Variants in APBB2 observed in about 807,000 individuals in gnomAD.
APBB2 encodes the protein amyloid beta precursor protein binding family B member 2.
APBB2 carries 38 observed loss-of-function variants against 82.5 expected under a neutral mutation model. The observed-to-expected ratio is 0.46, with a 90% CI of 0.36 to 0.60. The LOEUF (loss-of-function observed/expected upper bound fraction) is 0.60, where lower values mean the gene tolerates loss of function less well. APBB2 is among the 20% of genes least tolerant of loss of function. The pLI, the probability that APBB2 is intolerant of heterozygous loss-of-function variation, is 0.00. For missense variants in APBB2, 772 were observed against 972.3 expected (o/e 0.79, Z 2.74); for synonymous variants, 341 against 368.2 (o/e 0.93, Z 0.85).
chr4:40,872,883 C>T lies in APBB2; in HGVS notation c.1529+17481G>A, dbSNP rs147673279. ...GGTGGATCACCTCAGGTCAGGAGTT[C>T]GAGACCAGCCTGGCCAACATGGTGA... On this transcript the variant is annotated intron_variant, in intron 12 of 17. Coordinates refer to ENST00000508593, the MANE Select transcript of APBB2 (RefSeq NM_004307.2). Among the ~76,000 whole-genome samples, 244 of 151,642 alleles carry T rather than the reference C, an allele frequency of 1.6e-3. 1 individual carries two copies. Among genetic ancestry groups the T allele is most frequent in the African/African-American group, 5.7e-3 (234 of 41,366 alleles).
In APBB2 at chr4:40,832,509, C is replaced by A. The variant is rs980947730; in HGVS notation, c.1530-1932G>T. On this transcript the variant is annotated intron_variant, in intron 12 of 17. Transcript: ENST00000508593. The surrounding 1 kb of genome is among the most constrained non-coding windows in gnomAD (Gnocchi z 4.8). The stretch of plus-strand genomic sequence containing the variant: ...TGTCCTCCATGCTAGAACCGGACTC[C>A]CCCTGCCTCACGTGCCACACCCAAT... 6.6e-6 allele frequency among the ~76,000 whole-genome samples: 1 copy of A among 152,176 alleles called. No homozygotes were observed. Among genetic ancestry groups the A allele is most frequent in the Non-Finnish European group, 1.5e-5 (1 of 68,034 alleles).
intron 1 of APBB2, among the ~76,000 whole-genome samples, chr4:41,197,503 T>C: frequency 0.19 from 29,613 of 151,938 alleles, 3,850 homozygotes; most frequent in African/African-American, 0.37. Context: ...AATACAGAGG[T>C]ACAGAGAGGT....
At chr4:41,094,342 C>T (rs954144558) in intron 3 of APBB2, among the ~76,000 whole-genome samples, 1 of 152,178 alleles carries the variant, frequency 6.6e-6, no homozygotes, top group Non-Finnish European at 1.5e-5. Context: ...CTTTACTCTT[C>T]GCTTCAGTCT....
At chr4:41,069,486 T>C (rs1733097201) in intron 3 of APBB2, among the ~76,000 whole-genome samples, 1 of 152,214 alleles carries the variant, frequency 6.6e-6, no homozygotes, top group Non-Finnish European at 1.5e-5. Flanking sequence ...CTAAGACTGC[T>C]CTGCGGTTTG....
chr4:40,934,579 A>T (rs1560321046), intron 9 of APBB2, 35 bp downstream of exon 9: 1 of 1,610,754 alleles, frequency 6.2e-7, no homozygotes, highest in Non-Finnish European at 8.5e-7. Flanking sequence ...ACAAAGCCAT[A>T]CATTGACAGC....
rs79704480 is a variant in APBB2, at chr4:40,926,024, C to G, written c.1254+8432G>C. Among the ~76,000 whole-genome samples, 292 of 152,290 alleles carry G rather than the reference C, an allele frequency of 1.9e-3. 2 individuals are homozygous for G. The highest frequency in any genetic ancestry group is 6.8e-3 in the African/African-American group (281 of 41,548). ...AGTAAGGAGGCACACAAAGCTTTCA[C>G]AAAATCCAGTGCCAATAAAAAAAGT... On this transcript the variant is annotated intron_variant, in intron 10 of 17. Coordinates refer to ENST00000508593, the MANE Select transcript of APBB2 (RefSeq NM_004307.2).
chr4:40,857,016 A>G (rs1029799332), intron 12 of APBB2: 2 of 985,546 alleles, frequency 2.0e-6, no homozygotes, highest in Non-Finnish European at 2.4e-6. Context: ...TCCTTCGCCA[A>G]CTTCCTCACC....
chr4:41,199,270 G>T (rs1158445158), intron 1 of APBB2, among the ~76,000 whole-genome samples: 1 of 152,136 alleles, frequency 6.6e-6, no homozygotes, highest in South Asian at 2.1e-4. Flanking sequence ...AGATTTGCCA[G>T]TTCTCAAACT....
intron 11 of APBB2, chr4:40,892,702 T>C (rs1293912578): frequency 6.6e-6 from 1 of 152,240 alleles, no homozygotes; most frequent in African/African-American, 2.4e-5. Flanking sequence ...CTGTACTTAT[T>C]TTTTCCTTTC....
At chr4:40,932,723 A>G (rs1373316950) in intron 10 of APBB2, among the ~76,000 whole-genome samples, 5 of 152,350 alleles carry the variant, frequency 3.3e-5, no homozygotes, top group African/African-American at 9.6e-5. Flanking sequence ...GATCAGATGC[A>G]TAACTTGTAA....
intron 4 of APBB2, among the ~76,000 whole-genome samples, chr4:41,060,921 C>T (rs543866867): frequency 5.1e-4 from 77 of 152,234 alleles, no homozygotes; most frequent in Middle Eastern, 3.4e-3. Flanking sequence ...ACAACAATAA[C>T]GATCATTCAT....
intron 6 of APBB2, among the ~76,000 whole-genome samples, chr4:40,983,703 GGCTA>G (rs1361036501): frequency 6.6e-6 from 1 of 152,014 alleles, no homozygotes; most frequent in African/African-American, 2.4e-5. Context: ...TCAGCCTCCT[GGCTA>G]GCTGTGACTA....
intron 10 of APBB2, among the ~76,000 whole-genome samples, chr4:40,908,512 C>G (rs1006660797): frequency 6.6e-6 from 1 of 152,028 alleles, no homozygotes; most frequent in Admixed American, 6.5e-5. Context: ...CCAGGCCACA[C>G]CTATAATGCC....
At chr4:41,003,764 G>A (rs28651168) in intron 6 of APBB2, among the ~76,000 whole-genome samples, 25,519 of 152,180 alleles carry the variant, frequency 0.17, 2,374 homozygotes, top group Non-Finnish European at 0.21. Context: ...TCAGGCTGGA[G>A]TGCAGTGGCA....
intron 12 of APBB2, among the ~76,000 whole-genome samples, chr4:40,848,418 C>A (rs1758301860): frequency 6.6e-6 from 1 of 152,148 alleles, no homozygotes; most frequent in Non-Finnish European, 1.5e-5. Flanking sequence ...GATCTGCAAA[C>A]AGAACACAGG....
chr4:40,904,559 T>C (rs889696487), intron 10 of APBB2, among the ~76,000 whole-genome samples: 2 of 152,052 alleles, frequency 1.3e-5, no homozygotes, highest in Non-Finnish European at 2.9e-5. Context: ...AGATTCAAAA[T>C]ACCTCTTGGA....
chr4:41,080,111 G>A (rs1231247627), intron 3 of APBB2, among the ~76,000 whole-genome samples: 1 of 152,096 alleles, frequency 6.6e-6, no homozygotes, highest in African/African-American at 2.4e-5. Context: ...GAAAACCAGT[G>A]GTCAGGAACT....
chr4:40,843,751 C>G (rs1421807644), intron 12 of APBB2, among the ~76,000 whole-genome samples: 21 of 152,208 alleles, frequency 1.4e-4, no homozygotes, highest in Admixed American at 1.4e-3. Flanking sequence ...CTTTATTGAG[C>G]TCTGTTTGGC....
At chr4:40,912,489 A>T (rs1778822439) in intron 10 of APBB2, among the ~76,000 whole-genome samples, 1 of 151,990 alleles carries the variant, frequency 6.6e-6, no homozygotes, top group African/African-American at 2.4e-5. Context: ...CAGCAGGAGA[A>T]CTGCTTGAAC....
Sources: allele counts gnomAD v4.1 joint callset (sites outside exome capture counted in the v4.1 genomes callset), GRCh38; gene constraint gnomAD v4.1.1; non-coding constraint Gnocchi (gnomAD v3.1); transcripts MANE v1.5; gene names NCBI Gene and HGNC (gene_info 2026-07-23, HGNC 2026-07-21).